BST1: variants seen among roughly 807,000 people sequenced by gnomAD.
The protein encoded by BST1 is bone marrow stromal cell antigen 1.
Under a neutral mutation model 40.6 loss-of-function variants are expected in BST1, and 49 were observed. The ratio of observed to expected loss-of-function variants is 1.21; its 90% CI spans 0.96 to 1.53. The LOEUF is 1.53. BST1 is among the 40% of genes most tolerant of loss of function. The probability of loss-of-function intolerance (pLI) is 0.00; values close to 1 mark genes in which losing one functional copy is unlikely to be tolerated. For synonymous variants in BST1, 157 were observed against 159.3 expected (o/e 0.99, Z 0.11); for missense variants, 423 against 395.9 (o/e 1.07, Z -0.58).
the BST1 span, among the ~76,000 whole-genome samples, chr4:15,754,468 G>T: frequency 6.6e-6 from 1 of 152,186 alleles, no homozygotes; most frequent in Admixed American, 6.5e-5. Flanking sequence ...CCTTCTGTGA[G>T]CTGGCTGTGA....
chr4:15,735,966 G>T, downstream of BST1: 1 of 750,962 alleles, frequency 1.3e-6, no homozygotes. Flanking sequence ...AGAAAAATTA[G>T]GAAGAAGGCA....
At chr4:15,726,138 T>TTG (rs200102682) in intron 8 of BST1, among the ~76,000 whole-genome samples, 51 of 136,490 alleles carry the variant, frequency 3.7e-4, no homozygotes, top group South Asian at 1.6e-3. Flanking sequence ...CTTTTAAAGT[T>TTG]TTTTTTTTTT....
chr4:15,733,340 C>A (rs1212813971), downstream of BST1, among the ~76,000 whole-genome samples: 2 of 152,242 alleles, frequency 1.3e-5, no homozygotes, highest in African/African-American at 4.8e-5. Flanking sequence ...CTGACTGGTG[C>A]ATTTACAATC....
At chr4:15,751,804 C>T in the BST1 span, among the ~76,000 whole-genome samples, 4 of 151,880 alleles carry the variant, frequency 2.6e-5, no homozygotes, top group African/African-American at 9.7e-5. Context: ...TATAAATATA[C>T]ACTGTAGTCA....
At chr4:15,714,783 G>A (rs545977387) in intron 4 of BST1, among the ~76,000 whole-genome samples, 2 of 152,264 alleles carry the variant, frequency 1.3e-5, no homozygotes, top group South Asian at 2.1e-4. Context: ...AATCAGTTGC[G>A]AGCGGGAGTG....
chr4:15,726,141 T>TTAG lies in BST1; in HGVS notation c.851+3208_851+3209insAGT, dbSNP rs2148893241. 1.4e-5 allele frequency among the ~76,000 whole-genome samples: 2 copies of TTAG among 147,100 alleles called. 1 individual carries two copies. Among genetic ancestry groups the TTAG allele is most frequent in the African/African-American group, 5.0e-5 (2 of 39,606 alleles). ...TACGCCAGCTAACTTTTAAAGTTTT[T>TTAG]TTTTTTTTTTTTTTGTAGAGATGAG... is the stretch of plus-strand genomic sequence containing the variant. On this transcript the variant is annotated intron_variant, in intron 8 of 8. Coordinates refer to ENST00000265016, the MANE Select transcript of BST1 (RefSeq NM_004334.3).
At chr4:15,742,905 G>A (rs11933202), downstream of BST1, among the ~76,000 whole-genome samples, 47,521 of 152,188 alleles carry the variant, frequency 0.31, 8,450 homozygotes, top group East Asian at 0.54. Flanking sequence ...ACTGCTCCCA[G>A]GAGGACATTG....
chr4:15,758,602 T>A, the BST1 span, among the ~76,000 whole-genome samples: 384 of 152,346 alleles, frequency 2.5e-3, 1 homozygote, highest in African/African-American at 8.6e-3. Flanking sequence ...TGTATGATAC[T>A]GTTTGTTAAC....
At chr4:15,708,935 T>C (rs1460081625) in intron 3 of BST1, among the ~76,000 whole-genome samples, 2 of 152,142 alleles carry the variant, frequency 1.3e-5, no homozygotes, top group African/African-American at 4.8e-5. Context: ...CTCCATTCAT[T>C]TGTCCATCAA....
chr4:15,731,701 C>A, intron 8 of BST1, 39 bp from the exon 9 acceptor site: 1 of 1,584,372 alleles, frequency 6.3e-7, no homozygotes, highest in Non-Finnish European at 8.6e-7. Flanking sequence ...TTCCATACAC[C>A]AATACTGACA....
chr4:15,707,425 T>C, intron 2 of BST1, 86 bp from the exon 3 acceptor site: 1 of 1,531,714 alleles, frequency 6.5e-7, no homozygotes, highest in African/African-American at 1.4e-5. Context: ...AGAACTGGAT[T>C]GCCCAACTTG....
At chr4:15,705,270 A>C (rs1343283786) in intron 1 of BST1, among the ~76,000 whole-genome samples, 1 of 151,826 alleles carries the variant, frequency 6.6e-6, no homozygotes, top group Non-Finnish European at 1.5e-5. Context: ...TGTCTCCGTG[A>C]GCCTGGGGCA....
downstream of BST1, chr4:15,735,998 C>T (rs181312715): frequency 2.3e-4 from 256 of 1,092,624 alleles, no homozygotes; most frequent in African/African-American, 3.7e-3. Flanking sequence ...TCATACTGCA[C>T]GCAGAGTAGC....
the BST1 span, among the ~76,000 whole-genome samples, chr4:15,746,786 A>G: frequency 4.2e-3 from 639 of 152,304 alleles, 6 homozygotes; most frequent in Non-Finnish European, 5.3e-3. Context: ...TCCACAGGTC[A>G]AAAAACAAAT....
chr4:15,736,096 G>A (rs1365287560), downstream of BST1: 2 of 1,289,004 alleles, frequency 1.6e-6, no homozygotes, highest in South Asian at 2.5e-5. Context: ...ACCCAGAGCA[G>A]AACCATACAA....
Position 15,731,835 on chromosome 4 carries a change from C to A in BST1, c.947C>A (p.Thr316Asn). Residue 316 changes from threonine (T) to asparagine (N), a missense_variant, in exon 9 of 9, where the codon ACT becomes AAT. Transcript: ENST00000265016. The part of the protein sequence containing the change: ...IPLFLVLASR[T>N]QL Reference sequence around the variant, plus strand: ...CTCTTTCTGGTGCTGGCTTCCAGGACTCAACTGTAACTGGAAACTGTGTTG... The same window carrying A: ...CTCTTTCTGGTGCTGGCTTCCAGGAATCAACTGTAACTGGAAACTGTGTTG... 1 of 1,612,948 alleles carries A rather than the reference C, an allele frequency of 6.2e-7. No individual in the cohort carries two copies. Among genetic ancestry groups the A allele is most frequent in the Non-Finnish European group, 8.5e-7 (1 of 1,179,514 alleles).
chr4:15,715,588 C>A (rs555033141), intron 5 of BST1, 119 bp from the exon 6 acceptor site: 70 of 865,896 alleles, frequency 8.1e-5, no homozygotes, highest in African/African-American at 7.1e-4. Context: ...AAAATAAAAG[C>A]TAAAGAAGAA....
At chr4:15,749,231 T>G in the BST1 span, among the ~76,000 whole-genome samples, 1 of 152,140 alleles carries the variant, frequency 6.6e-6, no homozygotes, top group African/African-American at 2.4e-5. Context: ...CAGAGAAGGC[T>G]CTCAGGCAGT....
At chr4:15,750,548 A>G in the BST1 span, among the ~76,000 whole-genome samples, 2 of 152,218 alleles carry the variant, frequency 1.3e-5, no homozygotes, top group African/African-American at 4.8e-5. Context: ...TCAAGGAACT[A>G]CTATCCAGAA....
Sources: allele counts gnomAD v4.1 joint callset (sites outside exome capture counted in the v4.1 genomes callset), GRCh38; gene constraint gnomAD v4.1.1; transcripts MANE v1.5; gene names NCBI Gene and HGNC (gene_info 2026-07-23, HGNC 2026-07-21).